ANKRD23: variants seen among roughly 807,000 people sequenced by gnomAD.
The protein encoded by ANKRD23 is ankyrin repeat domain-containing protein 23.
In ANKRD23, 52 loss-of-function variants were observed where a neutral mutation model predicts 38.1. The ratio of observed to expected loss-of-function variants is 1.36; its 90% CI spans 1.09 to 1.72. The LOEUF (loss-of-function observed/expected upper bound fraction) is 1.72. Among genes scored for constraint, ANKRD23 ranks in the 40% most tolerant of loss-of-function variants. ANKRD23 has a pLI of 0.00. For missense variants in ANKRD23, 416 were observed against 400.2 expected (o/e 1.04, Z -0.34); for synonymous variants, 167 against 162.9 (o/e 1.03, Z -0.19).
At chr2:96,841,962 G>A (rs920893165) in intron 3 of ANKRD23, 98 bp downstream of exon 3, 4 of 1,548,230 alleles carry the variant, frequency 2.6e-6, no homozygotes, top group African/African-American at 1.4e-5. Flanking sequence ...GGCACTGGCT[G>A]TGTGGTCCTG....
intron 3 of ANKRD23, 78 bp downstream of exon 3, chr2:96,841,982 G>A: frequency 6.3e-7 from 1 of 1,596,356 alleles, no homozygotes; most frequent in Non-Finnish European, 8.6e-7. Context: ...GGCCTGCAGT[G>A]CCCACTCTGC....
chr2:96,839,629 C>A lies in ANKRD23; in HGVS notation c.838G>T (p.Val280Leu). ...CGCTGCCAGTCTCGAGCCAGCTGCA[C>A]CGGGGTCACGGAGGCCTGGGAGCAA... The part of the protein sequence containing the change: ...GVRNAASVTP[V>L]QLARDWQRGI... The change falls in exon 9 of 9, where the codon GTG (valine) becomes TTG (leucine). Residue 280 changes from valine to leucine, a missense_variant. Physicochemically the swap from Val to Leu is conservative, Grantham distance 32 (BLOSUM62 1). Transcript: ENST00000318357. 1 of 1,510,824 alleles carries A rather than the reference C, an allele frequency of 6.6e-7. No individual in the cohort carries two copies. 93.6% of individuals were successfully genotyped at this position (1,510,824 alleles called of 1,614,324 possible). A position where few individuals can be genotyped will look rare whatever the true frequency, so the allele number is the denominator to read the frequency against.
rs772518278 is a variant in ANKRD23, at chr2:96,839,809, A to G, written c.740T>C (p.Leu247Pro). 10 of 1,613,008 alleles carry G rather than the reference A, an allele frequency of 6.2e-6. No homozygotes were observed. Among genetic ancestry groups the G allele is most frequent in the Non-Finnish European group, 8.5e-6 (10 of 1,179,856 alleles). The change falls in exon 8 of 9, where the codon CTG (leucine) becomes CCG (proline). Residue 247 changes from leucine (L) to proline (P), a missense_variant. By Grantham distance (98) the Leu-to-Pro change is moderately conservative. Transcript: ENST00000318357. ...GCTGCCGTGCCGCACGGCCTCGTGC[A>G]GAGCCGTGTCCCCTTCCTGCTGAGA... is the stretch of plus-strand genomic sequence containing the variant. ...NAQDKEGDTA[L>P]HEAVRHGSYK...
At position 96,839,614 on chromosome 2, in the gene ANKRD23, C is replaced by T. The variant is rs549596954; in HGVS notation, c.853G>A (p.Asp285Asn). The T allele has an allele frequency of 4.7e-6, 7 of 1,498,110 alleles. No homozygotes were observed. Among genetic ancestry groups the T allele is most frequent in the African/African-American group, 4.2e-5 (3 of 71,838 alleles). The allele number at this position is 1,498,110 out of a possible 1,614,324, so 92.8% of individuals were successfully genotyped here. The change falls in exon 9 of 9, where the codon GAC becomes AAC. Residue 285 changes from aspartate (D) to asparagine (N), a missense_variant. Asp to Asn is a conservative substitution (Grantham distance 23, BLOSUM62 1). Transcript: ENST00000318357. ...ASVTPVQLAR[D>N]WQRGIREALQ... is the part of the protein sequence containing the mutation. ...GCCTCCCGGATGCCGCGCTGCCAGTCTCGAGCCAGCTGCACCGGGGTCACG... is the reference window on the plus strand; with the variant it reads ...GCCTCCCGGATGCCGCGCTGCCAGTTTCGAGCCAGCTGCACCGGGGTCACG...
At position 96,839,276 on chromosome 2, in the gene ANKRD23, C is replaced by T. The variant is rs917115927; in HGVS notation, c.*273G>A. The stretch of plus-strand genomic sequence containing the variant: ...TCACTCTCCTCCCCTTCCTGGCCCT[C>T]ATCTGGACCCGCGCTTTCTGCTGCC... On this transcript the variant is annotated 3_prime_UTR_variant, in exon 9 of 9. Transcript: ENST00000318357. 7 of 1,202,540 alleles carry T rather than the reference C, an allele frequency of 5.8e-6. No individual in the cohort carries two copies. In the African/African-American group the frequency reaches 1.1e-4, roughly 19 times the overall value. 74.5% of individuals were successfully genotyped at this position (1,202,540 alleles called of 1,614,324 possible).
In ANKRD23 at chr2:96,842,118, C is replaced by G; in HGVS notation, c.242G>C (p.Arg81Thr). The G allele has an allele frequency of 6.2e-7, 1 of 1,614,228 alleles. No individual in the cohort carries two copies. The highest frequency in any genetic ancestry group is 8.5e-7 in the Non-Finnish European group (1 of 1,180,048). The change falls in exon 3 of 9, where the codon AGA becomes ACA. Residue 81 changes from arginine to threonine, a missense_variant. Physicochemically the swap from Arg to Thr is moderately conservative, Grantham distance 71. Coordinates refer to ENST00000318357, the MANE Select transcript of ANKRD23 (RefSeq NM_144994.8). ...NLADLENLVQ[R>T]RKKRLRHRVP... is the part of the protein sequence containing the mutation. ...TCTGTGTCTCAGTCGCTTTTTCCGTCTTTGAACCAAGTTTTCCAAGTCAGC... is the reference window on the plus strand; with the variant it reads ...TCTGTGTCTCAGTCGCTTTTTCCGTGTTTGAACCAAGTTTTCCAAGTCAGC...
chr2:96,841,093 G>T, intron 3 of ANKRD23, 181 bp from the exon 4 acceptor site: 2 of 690,206 alleles, frequency 2.9e-6, no homozygotes, highest in Non-Finnish European at 4.7e-6. Flanking sequence ...GTGTGTGTGT[G>T]AGCGTGTGTG....
Position 96,842,364 on chromosome 2 carries a change from C to T in ANKRD23, c.174+1G>A. 1 of 1,608,880 alleles carries T rather than the reference C, an allele frequency of 6.2e-7. No homozygotes were observed. Among genetic ancestry groups the T allele is most frequent in the Non-Finnish European group, 8.5e-7 (1 of 1,177,862 alleles). On this transcript the variant is annotated splice_donor_variant, in intron 2 of 8. Coordinates refer to ENST00000318357, the MANE Select transcript of ANKRD23 (RefSeq NM_144994.8). LOFTEE classifies it high-confidence loss of function. ...AACCCCGGCCCCCGCCCCTCTCTCA[C>T]TTTCTTCTTCTTCTCTTCTTCCAAT...
In ANKRD23 at chr2:96,838,797, T is replaced by C; in HGVS notation, c.*752A>G. The stretch of plus-strand genomic sequence containing the variant: ...CAGTACACAGTGGGTGCGAGGCTTC[T>C]CTCAAATGCGCGCTCCAGCTCATCA... On this transcript the variant is annotated 3_prime_UTR_variant, in exon 9 of 9. Transcript: ENST00000318357. 2.0e-6 allele frequency: 2 copies of C among 985,534 alleles called. No individual in the cohort carries two copies. Among genetic ancestry groups the C allele is most frequent in the Non-Finnish European group, 2.4e-6 (2 of 830,002 alleles). 61.0% of individuals were successfully genotyped at this position (985,534 alleles called of 1,614,324 possible). A position where few individuals can be genotyped will look rare whatever the true frequency, so the allele number is the denominator to read the frequency against.
intron 4 of ANKRD23, 58 bp from the exon 5 acceptor site, chr2:96,840,572 CG>C: frequency 6.3e-7 from 1 of 1,581,614 alleles, no homozygotes; most frequent in Non-Finnish European, 8.7e-7. Flanking sequence ...AGAGACCCCA[CG>C]CGGTCCCCTT....
At position 96,842,505 on chromosome 2, in the gene ANKRD23, C is replaced by T. The variant is rs2079773254; in HGVS notation, c.34G>A (p.Gly12Arg). ...DFISIQQLVSGERVEGKVLGF... is the reference protein window; with the variant it reads ...DFISIQQLVSRERVEGKVLGF... ...AACACTTTCCCTTCAACTCTTTCTC[C>T]ACTTACCTGTAGGAACAGGATATGA... is the stretch of plus-strand genomic sequence containing the variant. The change falls in exon 2 of 9, where the codon GGA becomes AGA. Residue 12 changes from glycine (G) to arginine (R), a missense_variant. Physicochemically the swap from Gly to Arg is moderately radical, Grantham distance 125. Coordinates refer to ENST00000318357, the MANE Select transcript of ANKRD23 (RefSeq NM_144994.8). 6.2e-7 allele frequency: 1 copy of T among 1,613,308 alleles called. No individual in the cohort carries two copies. The highest frequency in any genetic ancestry group is 8.5e-7 in the Non-Finnish European group (1 of 1,179,694).
Position 96,842,417 on chromosome 2 carries a change from TG to T in ANKRD23, c.121del (p.Gln41LysfsTer9). The T allele has an allele frequency of 6.2e-7, 1 of 1,613,182 alleles. No individual in the cohort carries two copies. Among genetic ancestry groups the T allele is most frequent in the African/African-American group, 1.3e-5 (1 of 74,458 alleles). Reference protein sequence around the residue: ...AWPSDWRRGPQEAVAREKLKL... With the variant: ...AWPSDWRRGPXEAVAREKLKL... ...CAGCTTCTCCCGGGCCACAGCCTCT[TG>T]GGGGCCCCTCCTCCAGTCACTAGGC... On this transcript the variant is annotated frameshift_variant, in exon 2 of 9. Coordinates refer to ENST00000318357, the MANE Select transcript of ANKRD23 (RefSeq NM_144994.8). LOFTEE classifies it high-confidence loss of function.
At position 96,839,899 on chromosome 2, in the gene ANKRD23, G is replaced by A. The variant is rs372229183; in HGVS notation, c.724-74C>T. 11 of 1,553,584 alleles carry A rather than the reference G, an allele frequency of 7.1e-6. No individual in the cohort carries two copies. In the East Asian group the frequency reaches 9.7e-5, roughly 14 times the overall value. ...CTCATGCAGGAAGGTCAGGGCTGCT[G>A]TCACCGAGCAGACAGCACCTCTGGT... On this transcript the variant is annotated intron_variant, in intron 7 of 8. Coordinates refer to ENST00000318357, the MANE Select transcript of ANKRD23 (RefSeq NM_144994.8).
Position 96,839,635 on chromosome 2 carries a change from T to G in ANKRD23, c.832A>C (p.Thr278Pro). 1 of 1,511,514 alleles carries G rather than the reference T, an allele frequency of 6.6e-7. No individual in the cohort carries two copies. Among genetic ancestry groups the G allele is most frequent in the Non-Finnish European group, 8.9e-7 (1 of 1,127,816 alleles). The allele number at this position is 1,511,514 out of a possible 1,614,324, so 93.6% of individuals were successfully genotyped here. Residue 278 changes from threonine to proline, a missense_variant, in exon 9 of 9, where the codon ACC (threonine) becomes CCC (proline). Coordinates refer to ENST00000318357, the MANE Select transcript of ANKRD23 (RefSeq NM_144994.8). ...ELGVRNAASV[T>P]PVQLARDWQR... is the part of the protein sequence containing the mutation. Reference sequence around the variant, plus strand: ...CAGTCTCGAGCCAGCTGCACCGGGGTCACGGAGGCCTGGGAGCAACGGTGT... The same window carrying G: ...CAGTCTCGAGCCAGCTGCACCGGGGGCACGGAGGCCTGGGAGCAACGGTGT...
chr2:96,838,125 A>C lies in ANKRD23; in HGVS notation c.*1424T>G, dbSNP rs970152438. ...AAGGTGTGTGCCCCTAGTGTGCAGC[A>C]CTGGTCAGCTTTTCCACATAGTAAC... On this transcript the variant is annotated 3_prime_UTR_variant, in exon 9 of 9. Coordinates refer to ENST00000318357, the MANE Select transcript of ANKRD23 (RefSeq NM_144994.8). 1.9e-5 allele frequency: 3 copies of C among 159,000 alleles called. No homozygotes were observed. The highest frequency in any genetic ancestry group is 7.2e-5 in the African/African-American group (3 of 41,576). The allele number at this position is 159,000 out of a possible 1,614,324, so 9.8% of individuals were successfully genotyped here.
At position 96,842,428 on chromosome 2, in the gene ANKRD23, C is replaced by A. The variant is rs141916389; in HGVS notation, c.111G>T (p.Arg37Ser). 2.6e-4 allele frequency: 425 copies of A among 1,614,074 alleles called. 5 individuals are homozygous for A. The African/African-American group carries it at 4.9e-3, about 19-fold the overall frequency. Residue 37 changes from arginine (R) to serine (S), a missense_variant, in exon 2 of 9, where the codon AGG (arginine) becomes AGT (serine). Transcript: ENST00000318357. ...PDPGAWPSDW[R>S]RGPQEAVARE... ...GGGCCACAGCCTCTTGGGGGCCCCT[C>A]CTCCAGTCACTAGGCCAGGCTCCAG... is the stretch of plus-strand genomic sequence containing the variant.
chr2:96,842,658 G>T, intron 1 of ANKRD23, 147 bp from the exon 2 acceptor site: 2 of 1,000,972 alleles, frequency 2.0e-6, no homozygotes, highest in Non-Finnish European at 2.8e-6. Flanking sequence ...AGCTCCTGCA[G>T]TCCAGAGTGC....
rs1559020691 is a variant in ANKRD23 at position 96,839,366 on chromosome 2, C to T, written c.*183G>A. 1.6e-6 allele frequency: 2 copies of T among 1,256,936 alleles called. No homozygotes were observed. The highest frequency in any genetic ancestry group is 6.2e-5 in the East Asian group (2 of 32,218). The allele number at this position is 1,256,936 out of a possible 1,614,324, so 77.9% of individuals were successfully genotyped here. A position where few individuals can be genotyped will look rare whatever the true frequency, so the allele number is the denominator to read the frequency against. ...CCCCTGACACTCGAAGCCAGGGAGG[C>T]CTCTCTCTTTGCCTGCTGGGCCCGG... On this transcript the variant is annotated 3_prime_UTR_variant, in exon 9 of 9. Transcript: ENST00000318357.
chr2:96,839,036 G>A lies in ANKRD23; in HGVS notation c.*513C>T. On this transcript the variant is annotated 3_prime_UTR_variant, in exon 9 of 9. Coordinates refer to ENST00000318357, the MANE Select transcript of ANKRD23 (RefSeq NM_144994.8). ...TGCCCACAGGCATCCACCAGCTGCA[G>A]ACAGGCCCGGCCCCTGCATGGCCTG... 2.0e-6 allele frequency: 2 copies of A among 986,254 alleles called. No individual in the cohort carries two copies. The highest frequency in any genetic ancestry group is 1.7e-5 in the African/African-American group (1 of 57,412). 61.1% of individuals were successfully genotyped at this position (986,254 alleles called of 1,614,324 possible).
Sources: allele counts gnomAD v4.1 joint callset, GRCh38; gene constraint gnomAD v4.1.1; transcripts MANE v1.5; gene names NCBI Gene and HGNC (gene_info 2026-07-23, HGNC 2026-07-21).